Variants in DLG2 observed in about 807,000 individuals in gnomAD.
DLG2 encodes the protein disks large homolog 2.
In DLG2, 45 loss-of-function variants were observed where a neutral mutation model predicts 132.5. That is an observed-to-expected ratio of 0.34 (90% CI 0.27 to 0.44). DLG2 has a LOEUF of 0.44. Among genes scored for constraint, DLG2 ranks in the 20% least tolerant of loss-of-function variants. The probability of loss-of-function intolerance (pLI) is 1.00; values close to 1 mark genes in which losing one functional copy is unlikely to be tolerated. For missense variants in DLG2, 1,045 were observed against 1,196.9 expected (o/e 0.87, Z 1.87); for synonymous variants, 424 against 419.6 (o/e 1.01, Z -0.13).
intron 6 of DLG2, among the ~76,000 whole-genome samples, chr11:85,074,217 C>G (rs2066234713): frequency 6.6e-6 from 1 of 151,808 alleles, no homozygotes; most frequent in African/African-American, 2.4e-5. Flanking sequence ...AGATAAAAAG[C>G]CTGAACATGT....
At chr11:83,487,645 AGT>A in intron 21 of DLG2, among the ~76,000 whole-genome samples, 1 of 152,076 alleles carries the variant, frequency 6.6e-6, no homozygotes, top group African/African-American at 2.4e-5. Flanking sequence ...GTGATATCAC[AGT>A]GTGTTCTTCC....
intron 7 of DLG2, among the ~76,000 whole-genome samples, chr11:84,278,746 T>C (rs1213147462): frequency 6.6e-6 from 1 of 152,172 alleles, no homozygotes; most frequent in Non-Finnish European, 1.5e-5. Flanking sequence ...TTTATTCATA[T>C]GTTGAACACC....
intron 8 of DLG2, among the ~76,000 whole-genome samples, chr11:84,243,556 T>G (rs1239596661): frequency 6.6e-6 from 1 of 152,208 alleles, no homozygotes; most frequent in African/African-American, 2.4e-5. Flanking sequence ...TTTCTCAAAC[T>G]TAAATATGCA....
intron 5 of DLG2, among the ~76,000 whole-genome samples, chr11:85,152,646 G>T (rs2077333236): frequency 6.6e-6 from 1 of 152,188 alleles, no homozygotes; most frequent in African/African-American, 2.4e-5. Flanking sequence ...TTAGGAAACT[G>T]AGGCATACAG....
chr11:85,078,549 AT>A (rs1332279346), intron 6 of DLG2, among the ~76,000 whole-genome samples: 1 of 151,996 alleles, frequency 6.6e-6, no homozygotes, highest in South Asian at 2.1e-4. Flanking sequence ...TCAGCATTTC[AT>A]TTTAGTGAGA....
At chr11:85,393,006 C>A (rs960336034) in intron 3 of DLG2, among the ~76,000 whole-genome samples, 3 of 152,104 alleles carry the variant, frequency 2.0e-5, no homozygotes, top group African/African-American at 7.2e-5. Flanking sequence ...AGCTTTTGCA[C>A]AGCAATATAA....
chr11:84,416,982 C>T (rs187900350), intron 7 of DLG2, among the ~76,000 whole-genome samples: 5 of 152,178 alleles, frequency 3.3e-5, no homozygotes, highest in South Asian at 2.1e-4. Context: ...TTGGATTCGA[C>T]GAATACTGAT....
intron 7 of DLG2, among the ~76,000 whole-genome samples, chr11:84,412,769 A>G (rs2098913762): frequency 6.6e-6 from 1 of 152,100 alleles, no homozygotes. Context: ...ATTCTGCTAC[A>G]TTCCAGTTCC....
At chr11:84,799,105 C>T (rs553705073) in intron 6 of DLG2, among the ~76,000 whole-genome samples, 1 of 152,326 alleles carries the variant, frequency 6.6e-6, no homozygotes, top group African/African-American at 2.4e-5. Context: ...AGTCCACTGG[C>T]TCTAGGCCCA....
chr11:83,930,630 T>G (rs2154130401), intron 14 of DLG2, 147 bp from the exon 15 acceptor site: 1 of 816,914 alleles, frequency 1.2e-6, no homozygotes, highest in East Asian at 2.8e-5. Context: ...ATTTTCCACT[T>G]GTAACTTTTC....
At chr11:84,663,068 A>G (rs941669378) in intron 6 of DLG2, among the ~76,000 whole-genome samples, 3 of 152,032 alleles carry the variant, frequency 2.0e-5, no homozygotes, top group Admixed American at 6.6e-5. Context: ...ATTACCGGAA[A>G]ATACATTTTC....
chr11:83,690,015 T>C (rs2080671352), intron 18 of DLG2, among the ~76,000 whole-genome samples: 1 of 145,498 alleles, frequency 6.9e-6, no homozygotes, highest in African/African-American at 2.5e-5. Context: ...ATTATAATAT[T>C]TAATAAATAT....
At chr11:83,556,553 G>A (rs2096524351) in intron 19 of DLG2, among the ~76,000 whole-genome samples, 1 of 151,866 alleles carries the variant, frequency 6.6e-6, no homozygotes. Flanking sequence ...TGTCTTTTTT[G>A]TAGAGATGCA....
intron 6 of DLG2, among the ~76,000 whole-genome samples, chr11:84,712,608 G>A (rs925955183): frequency 8.6e-5 from 13 of 151,986 alleles, no homozygotes; most frequent in African/African-American, 3.1e-4. Context: ...ATACTACCCA[G>A]TTGACTCTAT....
chr11:85,141,389 C>A (rs1003291415), intron 5 of DLG2, among the ~76,000 whole-genome samples: 3 of 151,710 alleles, frequency 2.0e-5, no homozygotes, highest in African/African-American at 4.8e-5. Flanking sequence ...CTGTTCAGAT[C>A]TTTTGTCCAT....
chr11:84,913,731 T>C (rs533418545), intron 6 of DLG2, among the ~76,000 whole-genome samples: 4 of 152,202 alleles, frequency 2.6e-5, no homozygotes. Flanking sequence ...ATTTTTGTCA[T>C]TTTCTGTACT....
At chr11:83,489,723 G>T (rs927651856) in intron 21 of DLG2, among the ~76,000 whole-genome samples, 11 of 152,126 alleles carry the variant, frequency 7.2e-5, no homozygotes, top group African/African-American at 2.4e-4. Context: ...ATATTGTGAA[G>T]GTAGATCTGT....
chr11:84,630,979 T>TTC (rs369904915), intron 6 of DLG2, among the ~76,000 whole-genome samples: 4,022 of 50,198 alleles, frequency 0.08, 141 homozygotes, highest in Non-Finnish European at 0.11. Flanking sequence ...TTAAATGCAT[T>TTC]TCTCTCTCTC....
intron 6 of DLG2, among the ~76,000 whole-genome samples, chr11:84,957,692 C>G (rs1409841469): frequency 6.6e-6 from 1 of 152,196 alleles, no homozygotes; most frequent in Non-Finnish European, 1.5e-5. Context: ...TCCCTTGCAT[C>G]TAGCACCAGG....
Sources: allele counts gnomAD v4.1 joint callset (sites outside exome capture counted in the v4.1 genomes callset), GRCh38; gene constraint gnomAD v4.1.1; transcripts MANE v1.5; gene names NCBI Gene and HGNC (gene_info 2026-07-23, HGNC 2026-07-21).